Variants in CSNK2B observed in about 807,000 individuals in gnomAD.
The protein encoded by CSNK2B is casein kinase II subunit beta.
CSNK2B carries 2 observed loss-of-function variants against 28.8 expected under a neutral mutation model. The observed-to-expected ratio is 0.07, with a 90% CI of 0.03 to 0.22. The LOEUF (loss-of-function observed/expected upper bound fraction) is 0.22. Ranked by LOEUF, CSNK2B falls within the 10% of genes least tolerant of loss-of-function variation. The probability of loss-of-function intolerance (pLI) is 1.00; values close to 1 mark genes in which losing one functional copy is unlikely to be tolerated. For synonymous variants in CSNK2B, 89 were observed against 96.1 expected (o/e 0.93, Z 0.43); for missense variants, 107 against 277.9 (o/e 0.39, Z 4.37).
At chr6:31,666,496 C>G (rs573040864) in intron 1 of CSNK2B, 1 of 407,940 alleles carries the variant, frequency 2.5e-6, no homozygotes, top group Non-Finnish European at 4.4e-6. Flanking sequence ...TGGTAGGGAG[C>G]CTGAGTCGAG....
Position 31,669,041 on chromosome 6 carries a change from G to A in CSNK2B, c.292-56G>A, listed in dbSNP as rs1801993736. 7.2e-7 allele frequency: 1 copy of A among 1,380,570 alleles called. No homozygotes were observed. The highest frequency in any genetic ancestry group is 1.0e-6 in the Non-Finnish European group (1 of 969,026). The allele number at this position is 1,380,570 out of a possible 1,614,324, so 85.5% of individuals were successfully genotyped here. A position where few individuals can be genotyped will look rare whatever the true frequency, so the allele number is the denominator to read the frequency against. The stretch of plus-strand genomic sequence containing the variant: ...GAGTGGTATGGGTTGGGCTGCGAAG[G>A]GAGTTGCCTCTTCTTTACATCTACC... On this transcript the variant is annotated intron_variant, in intron 4 of 6. Transcript: ENST00000375882. This position sits in a 1 kb window ranked among gnomAD's most constrained non-coding sequence, Gnocchi z 4.8.
Position 31,666,152 on chromosome 6 carries a change from G to A in CSNK2B, c.-68G>A. ...GGCCTGCGCTGTAGCGGTCGCCGCCGTTCCCTGGAAGTAGCAACTTCCCTA... is the reference window on the plus strand; with the variant it reads ...GGCCTGCGCTGTAGCGGTCGCCGCCATTCCCTGGAAGTAGCAACTTCCCTA... On this transcript the variant is annotated 5_prime_UTR_variant, in exon 1 of 7. Transcript: ENST00000375882. 1 of 990,628 alleles carries A rather than the reference G, an allele frequency of 1.0e-6. No individual in the cohort carries two copies. The highest frequency in any genetic ancestry group is 1.2e-6 in the Non-Finnish European group (1 of 832,418). 61.4% of individuals were successfully genotyped at this position (990,628 alleles called of 1,614,324 possible).
rs370858929 is a variant in CSNK2B, at chr6:31,666,843, A to G, written c.12A>G (p.Ser4=). ...TAGCTGACGTGAAGATGAGCAGCTC[A>G]GAGGAGGTGTCCTGGATTTCCTGGT... MSS[S]EEVSWISWFC... is the part of the protein sequence containing the mutation. Residue 4 remains serine (S), a synonymous_variant, in exon 2 of 7, where the codon TCA becomes TCG. Coordinates refer to ENST00000375882, the MANE Select transcript of CSNK2B (RefSeq NM_001320.7). 1.8e-5 allele frequency: 29 copies of G among 1,613,890 alleles called. No individual in the cohort carries two copies. The highest frequency in any genetic ancestry group is 2.5e-5 in the Non-Finnish European group (29 of 1,179,906).
rs777337858 is a variant in CSNK2B, at chr6:31,669,289, C to T, written c.368-30C>T. 2.5e-6 allele frequency: 4 copies of T among 1,606,336 alleles called. No individual in the cohort carries two copies. Among genetic ancestry groups the T allele is most frequent in the South Asian group, 1.1e-5 (1 of 90,562 alleles). ...GAGGTTAGGTAGGAATAGGGGGATA[C>T]CTGGCCTGCTGAGTCTGGCTGTCTC... is the stretch of plus-strand genomic sequence containing the variant. On this transcript the variant is annotated intron_variant, in intron 5 of 6. Coordinates refer to ENST00000375882, the MANE Select transcript of CSNK2B (RefSeq NM_001320.7). This position sits in a 1 kb window ranked among gnomAD's most constrained non-coding sequence, Gnocchi z 4.8.
chr6:31,666,130 C>T lies in CSNK2B; in HGVS notation c.-90C>T, dbSNP rs1338148450. 5.2e-5 allele frequency: 52 copies of T among 995,064 alleles called. No individual in the cohort carries two copies. Among genetic ancestry groups the T allele is most frequent in the Non-Finnish European group, 6.0e-5 (50 of 834,266 alleles). 61.6% of individuals were successfully genotyped at this position (995,064 alleles called of 1,614,324 possible). On this transcript the variant is annotated 5_prime_UTR_variant, in exon 1 of 7. Transcript: ENST00000375882. ...CGCCTGCCGCGGTCGGGTCCGCGGC[C>T]TGCGCTGTAGCGGTCGCCGCCGTTC...
In CSNK2B at chr6:31,669,262, G is replaced by A. The variant is rs752166195; in HGVS notation, c.368-57G>A. On this transcript the variant is annotated intron_variant, in intron 5 of 6. Transcript: ENST00000375882. The surrounding 1 kb of genome is among the most constrained non-coding windows in gnomAD (Gnocchi z 4.8). ...AACACATTGGAGCCTGAGTCCTGAG[G>A]GGAGGTTAGGTAGGAATAGGGGGAT... is the stretch of plus-strand genomic sequence containing the variant. The A allele has an allele frequency of 7.5e-6, 12 of 1,602,170 alleles. No homozygotes were observed. The highest frequency in any genetic ancestry group is 2.2e-5 in the South Asian group (2 of 90,708).
At chr6:31,668,202 C>T (rs922922285) in intron 3 of CSNK2B, 6 of 616,390 alleles carry the variant, frequency 9.7e-6, no homozygotes, top group African/African-American at 7.4e-5. Context: ...TGCGTTTCCT[C>T]ATGGGTCTGG....
chr6:31,668,220 T>G (rs1476928176), intron 3 of CSNK2B: 1 of 608,994 alleles, frequency 1.6e-6, no homozygotes, highest in East Asian at 2.8e-5. Flanking sequence ...TGGTTTGTTG[T>G]CTGTTTCTCC....
chr6:31,666,983 A>T (rs1801777031), intron 2 of CSNK2B, 80 bp downstream of exon 2: 1 of 1,090,464 alleles, frequency 9.2e-7, no homozygotes, highest in Non-Finnish European at 1.4e-6. Flanking sequence ...CCACTTCTGC[A>T]CTGTTCTCTT....
chr6:31,668,973 C>G, intron 4 of CSNK2B, 124 bp from the exon 5 acceptor site: 1 of 711,480 alleles, frequency 1.4e-6, no homozygotes. Flanking sequence ...CCATCTAGTC[C>G]AGAGAAGGGG....
chr6:31,667,788 G>A, intron 2 of CSNK2B, 80 bp from the exon 3 acceptor site: 3 of 691,130 alleles, frequency 4.3e-6, no homozygotes, highest in East Asian at 5.6e-5. Flanking sequence ...TTGATGATAA[G>A]GCATCACTTA....
chr6:31,667,019 A>G, intron 2 of CSNK2B, 116 bp downstream of exon 2: 2 of 912,796 alleles, frequency 2.2e-6, no homozygotes, highest in South Asian at 2.8e-5. Flanking sequence ...ACTTCCTATC[A>G]GCAAAGAGTC....
In CSNK2B at chr6:31,669,069, C is replaced by G. The variant is rs1235348530; in HGVS notation, c.292-28C>G. Reference sequence around the variant, plus strand: ...GTTGCCTCTTCTTTACATCTACCTGCCAACCCCTTCCATTGTATTCACCTC... The same window carrying G: ...GTTGCCTCTTCTTTACATCTACCTGGCAACCCCTTCCATTGTATTCACCTC... On this transcript the variant is annotated intron_variant, in intron 4 of 6. Transcript: ENST00000375882. The surrounding 1 kb of genome is among the most constrained non-coding windows in gnomAD (Gnocchi z 4.8). The G allele has an allele frequency of 6.3e-7, 1 of 1,591,164 alleles. No homozygotes were observed. The highest frequency in any genetic ancestry group is 1.7e-5 in the Admixed American group (1 of 59,980).
chr6:31,667,351 C>G (rs1177019942), intron 2 of CSNK2B: 1 of 361,624 alleles, frequency 2.8e-6, no homozygotes, highest in Non-Finnish European at 5.4e-6. Flanking sequence ...AGGCTGGTCT[C>G]GAACTCCAGA....
chr6:31,669,615 A>G lies in CSNK2B; in HGVS notation c.557+107A>G. 1 of 1,267,174 alleles carries G rather than the reference A, an allele frequency of 7.9e-7. No individual in the cohort carries two copies. Among genetic ancestry groups the G allele is most frequent in the Non-Finnish European group, 1.1e-6 (1 of 913,374 alleles). 78.5% of individuals were successfully genotyped at this position (1,267,174 alleles called of 1,614,324 possible). A position where few individuals can be genotyped will look rare whatever the true frequency, so the allele number is the denominator to read the frequency against. On this transcript the variant is annotated intron_variant, in intron 6 of 6. Coordinates refer to ENST00000375882, the MANE Select transcript of CSNK2B (RefSeq NM_001320.7). This position sits in a 1 kb window ranked among gnomAD's most constrained non-coding sequence, Gnocchi z 4.8. ...CTTGAGGTCTGCTTCTCCCAGAATC[A>G]GGGCATCTCCCTGCTGAGTGACTGT...
intron 2 of CSNK2B, 65 bp downstream of exon 2, chr6:31,666,968 A>G (rs1204752111): frequency 5.4e-6 from 7 of 1,287,460 alleles, no homozygotes; most frequent in South Asian, 1.2e-5. Context: ...GTTCCTTCAC[A>G]TATTCCACTT....
chr6:31,668,138 G>A (rs561163121), intron 3 of CSNK2B, 168 bp downstream of exon 3: 114 of 676,838 alleles, frequency 1.7e-4, no homozygotes, highest in African/African-American at 7.5e-4. Context: ...GTTTTGTGAC[G>A]TATATCACTT....
At position 31,667,865 on chromosome 6, in the gene CSNK2B, C is replaced by T. The variant is rs752409241; in HGVS notation, c.73-3C>T. On this transcript the variant is annotated splice_polypyrimidine_tract_variant and splice_region_variant and intron_variant, in intron 2 of 6. Transcript: ENST00000375882. ...TTCCCTCTTGGCTTCCATGTCCTGA[C>T]AGGTGGATGAAGACTACATCCAGGA... 2.7e-6 allele frequency: 4 copies of T among 1,484,520 alleles called. No individual in the cohort carries two copies. The highest frequency in any genetic ancestry group is 2.7e-6 in the Non-Finnish European group (3 of 1,116,900). 92.0% of individuals were successfully genotyped at this position (1,484,520 alleles called of 1,614,324 possible). A position where few individuals can be genotyped will look rare whatever the true frequency, so the allele number is the denominator to read the frequency against.
At chr6:31,668,330 T>C (rs1801941736) in intron 3 of CSNK2B, 1 of 603,158 alleles carries the variant, frequency 1.7e-6, no homozygotes, top group Non-Finnish European at 2.9e-6. Context: ...GAGCAGAGGC[T>C]GAAAAGGTGT....
Sources: gnomAD v4.1 joint callset for allele counts on GRCh38, gnomAD v4.1.1 for gene constraint, Gnocchi (gnomAD v3.1) non-coding constraint, MANE v1.5 for transcripts, NCBI Gene and HGNC (gene_info 2026-07-23, HGNC 2026-07-21) for gene names.